Variants in CRTC3 observed in about 807,000 individuals in gnomAD.
CRTC3 encodes the protein CREB regulated transcription coactivator 3.
Under a neutral mutation model 74.5 loss-of-function variants are expected in CRTC3, and 26 were observed. The observed-to-expected ratio is 0.35, with a 90% CI of 0.26 to 0.48. CRTC3 has a LOEUF of 0.48. Ranked by LOEUF, CRTC3 falls within the 20% of genes least tolerant of loss-of-function variation. CRTC3 has a pLI of 0.99. For missense variants in CRTC3, 760 were observed against 787.3 expected (o/e 0.97, Z 0.41); for synonymous variants, 377 against 325.8 (o/e 1.16, Z -1.69).
intron 2 of CRTC3, among the ~76,000 whole-genome samples, chr15:90,570,049 T>C (rs1261886197): frequency 6.6e-6 from 1 of 152,226 alleles, no homozygotes; most frequent in Non-Finnish European, 1.5e-5. Flanking sequence ...TATATTACTA[T>C]GTTGAACAAA....
chr15:90,547,945 A>G (rs13313495), intron 2 of CRTC3, among the ~76,000 whole-genome samples: 50 of 145,482 alleles, frequency 3.4e-4, no homozygotes, highest in African/African-American at 1.3e-3. Context: ...CTGGAGCGCA[A>G]TGATGTGATC....
chr15:90,590,672 C>A (rs1432024783), intron 2 of CRTC3, among the ~76,000 whole-genome samples: 2 of 152,008 alleles, frequency 1.3e-5, no homozygotes, highest in East Asian at 1.9e-4. Context: ...GACTTAGCTC[C>A]TTCAGTTTCT....
intron 2 of CRTC3, among the ~76,000 whole-genome samples, chr15:90,562,829 G>C (rs139298856): frequency 6.6e-6 from 1 of 151,918 alleles, no homozygotes; most frequent in African/African-American, 2.4e-5. Flanking sequence ...GACACTGGAG[G>C]GGGCAAGCCA....
At chr15:90,599,375 T>G (rs914498413) in intron 3 of CRTC3, 2 of 152,212 alleles carry the variant, frequency 1.3e-5, no homozygotes, top group African/African-American at 4.8e-5. Context: ...AAATGTTTCT[T>G]GAGTAAATGG....
chr15:90,551,414 A>G (rs1240451123), intron 2 of CRTC3, among the ~76,000 whole-genome samples: 1 of 152,048 alleles, frequency 6.6e-6, no homozygotes, highest in East Asian at 1.9e-4. Flanking sequence ...ATTTCCATTA[A>G]TTAATTGTAT....
chr15:90,582,651 TAGAA>T (rs533749508), intron 2 of CRTC3, among the ~76,000 whole-genome samples: 11 of 152,338 alleles, frequency 7.2e-5, no homozygotes, highest in East Asian at 1.9e-4. Flanking sequence ...TACAAAAAAA[TAGAA>T]AGCTAAGTGG....
At chr15:90,621,323 GTATT>G (rs1337724064) in intron 9 of CRTC3, among the ~76,000 whole-genome samples, 7 of 151,358 alleles carry the variant, frequency 4.6e-5, no homozygotes, top group Non-Finnish European at 1.0e-4. Flanking sequence ...TAGTTTGTTT[GTATT>G]TATTTATTTA....
intron 2 of CRTC3, among the ~76,000 whole-genome samples, chr15:90,568,395 T>C (rs7171953): frequency 0.68 from 103,708 of 151,942 alleles, 36,602 homozygotes; most frequent in Non-Finnish European, 0.77. Context: ...CTGTCACCCA[T>C]GCTGGAGTGC....
At chr15:90,551,297 A>G (rs1044442828) in intron 2 of CRTC3, among the ~76,000 whole-genome samples, 16 of 151,008 alleles carry the variant, frequency 1.1e-4, no homozygotes, top group Admixed American at 8.0e-4. Flanking sequence ...ACAATTGTGA[A>G]GTAGGAAGTT....
chr15:90,580,441 C>G (rs1321596579), intron 2 of CRTC3, among the ~76,000 whole-genome samples: 1 of 140,024 alleles, frequency 7.1e-6, no homozygotes, highest in African/African-American at 2.6e-5. Flanking sequence ...TTTTTTTTTT[C>G]CTGAGACGAG....
chr15:90,645,089 A>G lies in CRTC3; in HGVS notation c.*2949A>G. The stretch of plus-strand genomic sequence containing the variant: ...GTTGTATCTTCAAGTCCATATGCGT[A>G]TTTGCAGACCTTTCCTGTTCCCACT... On this transcript the variant is annotated 3_prime_UTR_variant, in exon 15 of 15. Coordinates refer to ENST00000268184, the MANE Select transcript of CRTC3 (RefSeq NM_022769.5). 4.3e-6 allele frequency: 1 copy of G among 230,332 alleles called. No homozygotes were observed. Among genetic ancestry groups the G allele is most frequent in the Non-Finnish European group, 8.6e-6 (1 of 116,194 alleles). The allele number at this position is 230,332 out of a possible 1,614,324, so 14.3% of individuals were successfully genotyped here.
intron 2 of CRTC3, among the ~76,000 whole-genome samples, chr15:90,572,648 T>C (rs1348336521): frequency 6.6e-6 from 1 of 152,192 alleles, no homozygotes; most frequent in Non-Finnish European, 1.5e-5. Context: ...CAATCTTGGC[T>C]TACTGTAACT....
intron 3 of CRTC3, among the ~76,000 whole-genome samples, chr15:90,597,004 G>A (rs1967943061): frequency 6.6e-6 from 1 of 152,228 alleles, no homozygotes; most frequent in Admixed American, 6.5e-5. Context: ...CTCAGAGTGG[G>A]CAGCCACAGC....
rs147823572 is a variant in CRTC3 at position 90,576,986 on chromosome 15, C to T, written c.232-16650C>T. Among the ~76,000 whole-genome samples the T allele has an allele frequency of 2.0e-5, 3 of 152,142 alleles. No individual in the cohort carries two copies. In the East Asian group the frequency reaches 5.8e-4, roughly 29 times the overall value. ...CAAGTTAGCGACTTTTGTGTCTCCT[C>T]CTTCCCCAGCTTTACGTGGGAGAGG... is the stretch of plus-strand genomic sequence containing the variant. On this transcript the variant is annotated intron_variant, in intron 2 of 14. Transcript: ENST00000268184.
At chr15:90,613,004 G>A (rs1431111993) in intron 6 of CRTC3, among the ~76,000 whole-genome samples, 1 of 152,032 alleles carries the variant, frequency 6.6e-6, no homozygotes, top group Admixed American at 6.6e-5. Context: ...GTTAAGACCA[G>A]CCTGGCCATC....
intron 2 of CRTC3, among the ~76,000 whole-genome samples, chr15:90,589,167 C>T (rs775327961): frequency 6.6e-6 from 1 of 151,350 alleles, no homozygotes; most frequent in Non-Finnish European, 1.5e-5. Context: ...AGCGATTCTC[C>T]TGCCTCAGCC....
rs11417692 is a variant in CRTC3 at position 90,634,117 on chromosome 15, A to ATT, written c.1267-4318_1267-4317dup. ...ACCCATCATTTACCCTCAACAATTAATTTTTTTTTTTTGAGACAGGGTCTT... is the reference window on the plus strand; with the variant it reads ...ACCCATCATTTACCCTCAACAATTAATTTTTTTTTTTTTTGAGACAGGGTCTT... On this transcript the variant is annotated intron_variant, in intron 11 of 14. Coordinates refer to ENST00000268184, the MANE Select transcript of CRTC3 (RefSeq NM_022769.5). Among the ~76,000 whole-genome samples, 302 of 148,520 alleles carry ATT rather than the reference A, an allele frequency of 2.0e-3. 5 individuals carry two copies. In the South Asian group the frequency reaches 0.024, roughly 12 times the overall value.
intron 2 of CRTC3, among the ~76,000 whole-genome samples, chr15:90,567,124 G>A (rs888088963): frequency 6.6e-6 from 1 of 152,104 alleles, no homozygotes; most frequent in Non-Finnish European, 1.5e-5. Context: ...AGAGACTAAT[G>A]CAGCTGGTGA....
intron 9 of CRTC3, 124 bp from the exon 10 acceptor site, chr15:90,625,652 G>C (rs939964192): frequency 1.6e-5 from 13 of 830,092 alleles, no homozygotes; most frequent in Non-Finnish European, 2.4e-5. Flanking sequence ...CAGAGAGGCC[G>C]CACCAGGACC....
Sources: gnomAD v4.1 joint callset for allele counts (sites outside exome capture counted in the v4.1 genomes callset) on GRCh38, gnomAD v4.1.1 for gene constraint, MANE v1.5 for transcripts, NCBI Gene and HGNC (gene_info 2026-07-23, HGNC 2026-07-21) for gene names.